Variants in MAP2K6 observed in about 807,000 individuals in gnomAD.
MAP2K6 encodes the protein dual specificity mitogen-activated protein kinase kinase 6.
Under a neutral mutation model 53.7 loss-of-function variants are expected in MAP2K6, and 16 were observed. The observed-to-expected ratio is 0.30, with a 90% CI of 0.20 to 0.45. The LOEUF is 0.45. Ranked by LOEUF, MAP2K6 falls within the 20% of genes least tolerant of loss-of-function variation. The pLI, the probability that MAP2K6 is intolerant of heterozygous loss-of-function variation, is 1.00. For synonymous variants in MAP2K6, 132 were observed against 143.1 expected (o/e 0.92, Z 0.55); for missense variants, 204 against 411.9 (o/e 0.50, Z 4.37).
chr17:69,509,983 C>T (rs1170675616), intron 2 of MAP2K6, among the ~76,000 whole-genome samples: 2 of 152,088 alleles, frequency 1.3e-5, no homozygotes, highest in South Asian at 2.1e-4. Context: ...GGTGGAACTA[C>T]AGGTACATGC....
At chr17:69,495,048 C>G (rs1160396032) in intron 1 of MAP2K6, among the ~76,000 whole-genome samples, 1 of 149,420 alleles carries the variant, frequency 6.7e-6, no homozygotes, top group Non-Finnish European at 1.5e-5. Context: ...AACAAAAACC[C>G]AAAATTGTGG....
rs146471077 is a variant in MAP2K6, at chr17:69,455,076, G to T, written c.16+40076G>T. Among the ~76,000 whole-genome samples the T allele has an allele frequency of 5.1e-3, 762 of 149,746 alleles. 4 individuals carry two copies. The highest frequency in any genetic ancestry group is 8.4e-3 in the Non-Finnish European group (569 of 67,632). On this transcript the variant is annotated intron_variant, in intron 1 of 11. Transcript: ENST00000590474. ...GGTGGAGGGGAGGTAAGGGTACAAT[G>T]TTCTGAAGAATTTTCCAGCTAGGAG...
In MAP2K6 at chr17:69,428,297, A is replaced by G. The variant is rs80015629; in HGVS notation, c.16+13297A>G. 3.3e-4 allele frequency among the ~76,000 whole-genome samples: 51 copies of G among 152,292 alleles called. 1 individual carries two copies. In the East Asian group the frequency reaches 9.2e-3, roughly 28 times the overall value. ...GGCTCCTTCTGAAGGCCATAAGGAA[A>G]AATCTGTTTTGTGCTTCTTCCCTGG... On this transcript the variant is annotated intron_variant, in intron 1 of 11. Transcript: ENST00000590474.
chr17:69,544,833 A>T lies in MAP2K6; in HGVS notation c.*3080A>T, dbSNP rs1911815811. On this transcript the variant is annotated 3_prime_UTR_variant, in exon 12 of 12. Coordinates refer to ENST00000590474, the MANE Select transcript of MAP2K6 (RefSeq NM_002758.4). ...CTTGAGAGACTACATATTTATATTC[A>T]TAATGCTATTAAATTATTTTTGCCA... The T allele has an allele frequency of 6.6e-6, 1 of 152,200 alleles. No individual in the cohort carries two copies. The highest frequency in any genetic ancestry group is 6.5e-5 in the Admixed American group (1 of 15,282). 9.4% of individuals were successfully genotyped at this position (152,200 alleles called of 1,614,324 possible). A position where few individuals can be genotyped will look rare whatever the true frequency, so the allele number is the denominator to read the frequency against.
intron 2 of MAP2K6, among the ~76,000 whole-genome samples, chr17:69,509,938 G>A (rs1226599921): frequency 6.6e-6 from 1 of 151,914 alleles, no homozygotes; most frequent in African/African-American, 2.4e-5. Context: ...GCCTCCCCTG[G>A]CTCAAGTGAT....
At chr17:69,531,780 A>G (rs1287873161) in intron 10 of MAP2K6, among the ~76,000 whole-genome samples, 5 of 152,080 alleles carry the variant, frequency 3.3e-5, no homozygotes, top group Admixed American at 1.3e-4. Flanking sequence ...TTTCCTATAT[A>G]TCTCTTTCTT....
At chr17:69,468,691 A>G (rs952688711) in intron 1 of MAP2K6, among the ~76,000 whole-genome samples, 5 of 152,210 alleles carry the variant, frequency 3.3e-5, no homozygotes, top group Non-Finnish European at 5.9e-5. Context: ...AAAGGAGAGA[A>G]TACAGTTATG....
chr17:69,472,899 G>A (rs1188707402), intron 1 of MAP2K6, among the ~76,000 whole-genome samples: 1 of 152,080 alleles, frequency 6.6e-6, no homozygotes, highest in African/African-American at 2.4e-5. Context: ...TAGAGATGGG[G>A]TTTCACCATG....
At chr17:69,475,126 A>AACCTCTTGTTCTTGTTT (rs1255360200) in intron 1 of MAP2K6, among the ~76,000 whole-genome samples, 3 of 151,658 alleles carry the variant, frequency 2.0e-5, no homozygotes, top group Non-Finnish European at 4.4e-5. Flanking sequence ...AGTTCCTGGA[A>AACCTCTTGTTCTTGTTT]ACCTCTTGTT....
chr17:69,486,162 T>C (rs1378510081), intron 1 of MAP2K6, among the ~76,000 whole-genome samples: 1 of 152,166 alleles, frequency 6.6e-6, no homozygotes, highest in East Asian at 1.9e-4. Flanking sequence ...ATTTTCTAAA[T>C]TGTTTTTCCA....
At chr17:69,479,614 C>T (rs1567832926) in intron 1 of MAP2K6, among the ~76,000 whole-genome samples, 1 of 151,920 alleles carries the variant, frequency 6.6e-6, no homozygotes. Flanking sequence ...ATTTCAGTAA[C>T]ATGACAGAAT....
chr17:69,451,674 G>A (rs1313518643), intron 1 of MAP2K6, among the ~76,000 whole-genome samples: 1 of 152,158 alleles, frequency 6.6e-6, no homozygotes, highest in African/African-American at 2.4e-5. Flanking sequence ...AGATTCACCT[G>A]GTCCCACAGG....
intron 11 of MAP2K6, among the ~76,000 whole-genome samples, chr17:69,539,538 CT>C (rs1911512926): frequency 6.6e-6 from 1 of 152,194 alleles, no homozygotes. Context: ...CCGTTTTCCC[CT>C]CCCCCTGCCC....
intron 1 of MAP2K6, among the ~76,000 whole-genome samples, chr17:69,427,055 A>ACCAGG: frequency 6.6e-6 from 1 of 152,218 alleles, no homozygotes; most frequent in Non-Finnish European, 1.5e-5. Context: ...ACACACTGTA[A>ACCAGG]TTATATAAGC....
intron 9 of MAP2K6, among the ~76,000 whole-genome samples, chr17:69,525,633 A>G (rs757731978): frequency 2.0e-5 from 3 of 152,236 alleles, no homozygotes; most frequent in Non-Finnish European, 4.4e-5. Flanking sequence ...GAGACAGCCA[A>G]GTGAAAAGGG....
At chr17:69,513,534 G>C (rs1909979566) in intron 2 of MAP2K6, among the ~76,000 whole-genome samples, 1 of 152,150 alleles carries the variant, frequency 6.6e-6, no homozygotes, top group African/African-American at 2.4e-5. Flanking sequence ...GTAATGCAAA[G>C]TTAGTATAGG....
At chr17:69,442,847 G>A (rs894927829) in intron 1 of MAP2K6, among the ~76,000 whole-genome samples, 1 of 152,184 alleles carries the variant, frequency 6.6e-6, no homozygotes, top group Non-Finnish European at 1.5e-5. Context: ...GATGATAATA[G>A]CAACTGCAGA....
Position 69,548,877 on chromosome 17 carries a change from T to C in MAP2K6, c.*7124T>C, listed in dbSNP as rs1256940973. 6.6e-6 allele frequency: 1 copy of C among 152,208 alleles called. No individual in the cohort carries two copies. Among genetic ancestry groups the C allele is most frequent in the Non-Finnish European group, 1.5e-5 (1 of 68,018 alleles). 9.4% of individuals were successfully genotyped at this position (152,208 alleles called of 1,614,324 possible). A position where few individuals can be genotyped will look rare whatever the true frequency, so the allele number is the denominator to read the frequency against. Reference sequence around the variant, plus strand: ...TAATCTTTTCAGTTTCTGACCCAGATTTCTTTTTCAAGCAAAACTCCTCTG... The same window carrying C: ...TAATCTTTTCAGTTTCTGACCCAGACTTCTTTTTCAAGCAAAACTCCTCTG... On this transcript the variant is annotated 3_prime_UTR_variant, in exon 12 of 12. Transcript: ENST00000590474.
chr17:69,485,795 T>C (rs1469033751), intron 1 of MAP2K6, among the ~76,000 whole-genome samples: 2 of 152,222 alleles, frequency 1.3e-5, no homozygotes, highest in Non-Finnish European at 2.9e-5. Flanking sequence ...TCTGTGTACC[T>C]CTCTGGCCTC....
Sources: gnomAD v4.1 joint callset for allele counts (sites outside exome capture counted in the v4.1 genomes callset) on GRCh38, gnomAD v4.1.1 for gene constraint, MANE v1.5 for transcripts, NCBI Gene and HGNC (gene_info 2026-07-23, HGNC 2026-07-21) for gene names.